Variants in MRC1 observed in about 807,000 individuals in gnomAD.
MRC1 encodes the protein mannose receptor C-type 1.
A neutral mutation model predicts 102.9 loss-of-function variants in MRC1; 62 were observed. The ratio of observed to expected loss-of-function variants is 0.60; its 90% CI spans 0.49 to 0.74. The LOEUF (loss-of-function observed/expected upper bound fraction) is 0.74, where lower values mean the gene tolerates loss of function less well. Ranked by LOEUF, MRC1 falls within the 30% of genes least tolerant of loss-of-function variation. The pLI, the probability that MRC1 is intolerant of heterozygous loss-of-function variation, is 0.00. For synonymous variants in MRC1, 457 were observed against 298.4 expected (o/e 1.53, Z -5.48); for missense variants, 1,237 against 862.8 (o/e 1.43, Z -5.43).
intron 2 of MRC1, 147 bp from the exon 3 acceptor site, chr10:17,827,395 A>ATCCCTCTGTGGGTGCATC: frequency 2.3e-6 from 1 of 426,968 alleles, no homozygotes; most frequent in Non-Finnish European, 4.2e-6. Context: ...AAAAAAAAAA[A>ATCCCTCTGTGGGTGCATC]AAAAAAAAAA....
intron 2 of MRC1, among the ~76,000 whole-genome samples, 194 bp from the exon 3 acceptor site, chr10:17,827,348 A>C: frequency 7.4e-6 from 1 of 135,596 alleles, no homozygotes; most frequent in Admixed American, 8.0e-5. Flanking sequence ...AGACTAGGGT[A>C]GAAGGAGAAG....
chr10:17,901,067 A>G, intron 25 of MRC1, 114 bp downstream of exon 25: 1 of 694,416 alleles, frequency 1.4e-6, no homozygotes, highest in Non-Finnish European at 2.6e-6. Flanking sequence ...AGAATAATAT[A>G]GAACATACTC....
chr10:17,846,672 T>C (rs1461726356), intron 6 of MRC1, among the ~76,000 whole-genome samples: 2 of 152,202 alleles, frequency 1.3e-5, no homozygotes, highest in Non-Finnish European at 2.9e-5. Flanking sequence ...TTCATACAAA[T>C]GGCAGTATAC....
Position 17,866,617 on chromosome 10 carries a change from T to A in MRC1, c.1839T>A (p.Asp613Glu), listed in dbSNP as rs782105091. Residue 613 changes from aspartate to glutamate, a missense_variant, in exon 12 of 30, where the codon GAT (aspartate) becomes GAA (glutamate). Transcript: ENST00000569591. ...CCGGGATTGCAGGGGGCTTATGGGA[T>A]GTTTTGAAATGTGATGAAAAGGCAA... The part of the protein sequence containing the change: ...MRTGIAGGLW[D>E]VLKCDEKAKF... The A allele has an allele frequency of 2.9e-5, 23 of 780,694 alleles. No homozygotes were observed. The highest frequency in any genetic ancestry group is 2.2e-4 in the Middle Eastern group (1 of 4,458). 48.4% of individuals were successfully genotyped at this position (780,694 alleles called of 1,614,324 possible).
At chr10:17,897,534 A>C (rs1833772604) in intron 23 of MRC1, among the ~76,000 whole-genome samples, 1 of 149,548 alleles carries the variant, frequency 6.7e-6, no homozygotes, top group South Asian at 2.1e-4. Flanking sequence ...TCCAGAATCT[A>C]CACCCGTTAC....
At chr10:17,889,352 T>C (rs937418691) in intron 22 of MRC1, among the ~76,000 whole-genome samples, 75 of 152,346 alleles carry the variant, frequency 4.9e-4, no homozygotes, top group African/African-American at 1.7e-3. Context: ...TGGTTTTACT[T>C]CAATATTTTG....
intron 2 of MRC1, 89 bp downstream of exon 2, chr10:17,823,564 T>C: frequency 1.3e-6 from 1 of 771,676 alleles, no homozygotes; most frequent in Non-Finnish European, 2.4e-6. Context: ...ATGTTCTTGT[T>C]TGGCGTGTAC....
At chr10:17,886,814 A>G (rs1833603403) in intron 22 of MRC1, among the ~76,000 whole-genome samples, 1 of 152,152 alleles carries the variant, frequency 6.6e-6, no homozygotes, top group Non-Finnish European at 1.5e-5. Context: ...GAGATACATG[A>G]TGTGTTTGGG....
At chr10:17,906,508 T>A (rs1833897889) in intron 26 of MRC1, among the ~76,000 whole-genome samples, 2 of 152,156 alleles carry the variant, frequency 1.3e-5, no homozygotes, top group Non-Finnish European at 1.5e-5. Context: ...CCCTTTTATC[T>A]GCTTCACCAA....
intron 28 of MRC1, among the ~76,000 whole-genome samples, chr10:17,908,430 A>G (rs1833925032): frequency 6.6e-6 from 1 of 151,698 alleles, no homozygotes; most frequent in Admixed American, 6.6e-5. Flanking sequence ...GCATGCCATC[A>G]TGCCCGGCTA....
intron 2 of MRC1, among the ~76,000 whole-genome samples, chr10:17,824,096 C>T (rs201235249): frequency 9.2e-5 from 14 of 152,268 alleles, no homozygotes; most frequent in East Asian, 3.9e-4. Context: ...ACCTCCAATG[C>T]GGTGGGAGGA....
intron 11 of MRC1, among the ~76,000 whole-genome samples, 163 bp downstream of exon 11, chr10:17,863,845 T>C (rs2130664489): frequency 6.6e-6 from 1 of 152,324 alleles, no homozygotes; most frequent in African/African-American, 2.4e-5. Context: ...TTCTTCCTTT[T>C]TTTCTTTTCT....
At chr10:17,846,191 A>G (rs1838822842) in intron 6 of MRC1, among the ~76,000 whole-genome samples, 1 of 151,976 alleles carries the variant, frequency 6.6e-6, no homozygotes, top group Non-Finnish European at 1.5e-5. Flanking sequence ...TACAGGCATG[A>G]GCCACCGTGC....
chr10:17,837,022 A>G (rs1554839514), intron 4 of MRC1, among the ~76,000 whole-genome samples: 2 of 152,134 alleles, frequency 1.3e-5, no homozygotes, highest in African/African-American at 4.8e-5. Context: ...CCAGCTACAG[A>G]GAAGGAGCAA....
At position 17,890,078 on chromosome 10, in the gene MRC1, A is replaced by G. The variant is rs1833651950; in HGVS notation, c.3148-4132A>G. Among the ~76,000 whole-genome samples, 8 of 152,116 alleles carry G rather than the reference A, an allele frequency of 5.3e-5. No homozygotes were observed. In the South Asian group the frequency reaches 8.3e-4, roughly 16 times the overall value. On this transcript the variant is annotated intron_variant, in intron 22 of 29. Transcript: ENST00000569591. The stretch of plus-strand genomic sequence containing the variant: ...GTTTTCTTTTCACTTCTTAAGGACA[A>G]TTTCACTGGAGACAGAATTCTAGGT...
intron 22 of MRC1, among the ~76,000 whole-genome samples, chr10:17,892,836 C>G (rs1833698575): frequency 1.3e-5 from 2 of 151,804 alleles, no homozygotes; most frequent in South Asian, 4.2e-4. Context: ...ATGGTGAAAC[C>G]CCATCTCTAC....
At chr10:17,867,995 A>C (rs1833301220) in intron 12 of MRC1, among the ~76,000 whole-genome samples, 1 of 152,212 alleles carries the variant, frequency 6.6e-6, no homozygotes, top group African/African-American at 2.4e-5. Context: ...TATTTAATAC[A>C]TTCATAGTTT....
intron 23 of MRC1, among the ~76,000 whole-genome samples, chr10:17,895,357 A>G (rs1833740138): frequency 6.6e-6 from 1 of 152,012 alleles, no homozygotes; most frequent in Admixed American, 6.6e-5. Flanking sequence ...TAATTCATGA[A>G]TCTGCTTTTT....
At chr10:17,837,738 C>T (rs2130620395) in intron 4 of MRC1, among the ~76,000 whole-genome samples, 1 of 151,926 alleles carries the variant, frequency 6.6e-6, no homozygotes, top group South Asian at 2.1e-4. Context: ...GTAGCTGGGG[C>T]TACAGGCATG....
Sources: gnomAD v4.1 joint callset for allele counts (sites outside exome capture counted in the v4.1 genomes callset) on GRCh38, gnomAD v4.1.1 for gene constraint, MANE v1.5 for transcripts, NCBI Gene and HGNC (gene_info 2026-07-23, HGNC 2026-07-21) for gene names.